The following OTUD7B variants were observed in gnomAD, a reference collection of about 807,000 sequenced individuals.
The protein encoded by OTUD7B is OTU domain-containing protein 7B.
Under a neutral mutation model 82.2 loss-of-function variants are expected in OTUD7B, and 34 were observed. That is an observed-to-expected ratio of 0.41 (90% CI 0.31 to 0.55). The LOEUF (loss-of-function observed/expected upper bound fraction) is 0.55, where lower values mean the gene tolerates loss of function less well. Ranked by LOEUF, OTUD7B falls within the 20% of genes least tolerant of loss-of-function variation. OTUD7B has a pLI of 0.20. For missense variants in OTUD7B, 944 were observed against 1,062.1 expected (o/e 0.89, Z 1.55); for synonymous variants, 398 against 402.7 (o/e 0.99, Z 0.14).
At position 149,982,080 on chromosome 1, in the gene OTUD7B, C is replaced by T. The variant is rs587601713; in HGVS notation, c.-66-4504G>A. Among the ~76,000 whole-genome samples the T allele has an allele frequency of 3.0e-3, 459 of 152,064 alleles. 1 individual carries two copies. Among genetic ancestry groups the T allele is most frequent in the African/African-American group, 0.01 (421 of 41,480 alleles). Reference sequence around the variant, plus strand: ...AGGAGAATGACGTGAACCCGGGAGGCGGAGCTTGCAGTGAGCCGAGATCGC... The same window carrying T: ...AGGAGAATGACGTGAACCCGGGAGGTGGAGCTTGCAGTGAGCCGAGATCGC... On this transcript the variant is annotated intron_variant, in intron 1 of 11. Transcript: ENST00000581312.
intron 1 of OTUD7B, among the ~76,000 whole-genome samples, chr1:149,990,223 A>C (rs587599275): frequency 6.6e-6 from 1 of 152,384 alleles, no homozygotes; most frequent in East Asian, 1.9e-4. Context: ...GGAAGCTTCT[A>C]AACTTTTAGC....
chr1:149,961,725 A>G (rs1381518098), intron 6 of OTUD7B: 2 of 152,208 alleles, frequency 1.3e-5, no homozygotes, highest in African/African-American at 4.8e-5. Flanking sequence ...ATGTATTTAC[A>G]TGTCCATCTC....
chr1:150,041,937 T>C, the OTUD7B span, among the ~76,000 whole-genome samples: 12 of 149,484 alleles, frequency 8.0e-5, no homozygotes, highest in Middle Eastern at 3.5e-3. Flanking sequence ...ACATCTTCTT[T>C]TGAATGCCAC....
At chr1:149,967,012 A>C (rs1397599990) in intron 4 of OTUD7B, among the ~76,000 whole-genome samples, 3 of 151,210 alleles carry the variant, frequency 2.0e-5, no homozygotes, top group African/African-American at 7.4e-5. Context: ...AGGGCCAATT[A>C]TAATTAGTTG....
At position 149,959,701 on chromosome 1, in the gene OTUD7B, A is replaced by C. The variant is rs1291865680; in HGVS notation, c.828T>G (p.Asn276Lys). The C allele has an allele frequency of 6.2e-7, 1 of 1,612,248 alleles. No individual in the cohort carries two copies. Among genetic ancestry groups the C allele is most frequent in the African/African-American group, 1.3e-5 (1 of 74,824 alleles). ...ATACTTACCCACCACAGTTGGCTCCATTGGTACCTAGATGCATTCGGGGTT... is the reference window on the plus strand; with the variant it reads ...ATACTTACCCACCACAGTTGGCTCCCTTGGTACCTAGATGCATTCGGGGTT... ...SSEPRMHLGT[N>K]GANCGGVESS... The change falls in exon 7 of 12, where the codon AAT (asparagine) becomes AAG (lysine). Residue 276 changes from asparagine (N) to lysine (K), a missense_variant. Transcript: ENST00000581312.
chr1:149,946,067 A>AAAATAAT (rs1188831357), intron 11 of OTUD7B, among the ~76,000 whole-genome samples: 3 of 134,346 alleles, frequency 2.2e-5, no homozygotes, highest in South Asian at 4.8e-4. Context: ...TCTCAAAGAA[A>AAAATAAT]AATAATAATA....
upstream of OTUD7B, among the ~76,000 whole-genome samples, chr1:150,011,575 T>C (rs1189298054): frequency 2.0e-5 from 3 of 152,222 alleles, no homozygotes; most frequent in Non-Finnish European, 4.4e-5. Flanking sequence ...CCTTGTCACA[T>C]AGTAGACCTT....
the OTUD7B span, among the ~76,000 whole-genome samples, chr1:150,052,703 T>C: frequency 6.6e-6 from 1 of 151,306 alleles, no homozygotes; most frequent in Non-Finnish European, 1.5e-5. Context: ...AGAGCCCAAA[T>C]AGCAAAGCCA....
At position 149,945,099 on chromosome 1, in the gene OTUD7B, C is replaced by A. The variant is rs970779217; in HGVS notation, c.1324-34G>T. 3 of 1,591,170 alleles carry A rather than the reference C, an allele frequency of 1.9e-6. No homozygotes were observed. In the African/African-American group the frequency reaches 4.0e-5, roughly 21 times the overall value. On this transcript the variant is annotated intron_variant, in intron 11 of 11. Coordinates refer to ENST00000581312, the MANE Select transcript of OTUD7B (RefSeq NM_020205.4). ...GACAAGAACACTGTTGACAGTTATCCCAGCAGCCTGGGGTGGGGGAATCCC... is the reference window on the plus strand; with the variant it reads ...GACAAGAACACTGTTGACAGTTATCACAGCAGCCTGGGGTGGGGGAATCCC...
chr1:149,958,322 CTTTTTTTTT>C (rs34299927), intron 7 of OTUD7B, among the ~76,000 whole-genome samples: 5 of 86,394 alleles, frequency 5.8e-5, no homozygotes, highest in African/African-American at 8.9e-5. Flanking sequence ...AAAGGACTAC[CTTTTTTTTT>C]TTTTTTTTTT....
In OTUD7B at chr1:149,938,091, A is replaced by C. The variant is rs1553769589; in HGVS notation, c.*5766T>G. The C allele has an allele frequency of 1.3e-5, 2 of 152,214 alleles. No individual in the cohort carries two copies. Among genetic ancestry groups the C allele is most frequent in the African/African-American group, 4.8e-5 (2 of 41,370 alleles). 9.4% of individuals were successfully genotyped at this position (152,214 alleles called of 1,614,324 possible). ...GTCCTAAAGGCTACAGAGCACCACC[A>C]CCCCACCTGCCCCTAATGCATTCCA... On this transcript the variant is annotated 3_prime_UTR_variant, in exon 12 of 12. Transcript: ENST00000581312.
At position 149,976,633 on chromosome 1, in the gene OTUD7B, A is replaced by AAAAAAAT. The variant is rs1176193849; in HGVS notation, c.85+792_85+793insATTTTTT. On this transcript the variant is annotated intron_variant, in intron 2 of 11. Transcript: ENST00000581312. Reference sequence around the variant, plus strand: ...TCTACAAAAAAAAAAAAAAAAAAATACTAGAACATTCAAACTTATGTGTAT... The same window carrying AAAAAAAT: ...TCTACAAAAAAAAAAAAAAAAAAATAAAAAAATCTAGAACATTCAAACTTATGTGTAT... Among the ~76,000 whole-genome samples the AAAAAAAT allele has an allele frequency of 2.0e-4, 21 of 102,644 alleles. 3 individuals are homozygous for AAAAAAAT. The highest frequency in any genetic ancestry group is 2.4e-4 in the Non-Finnish European group (13 of 53,156). 67.3% of individuals were successfully genotyped at this position (102,644 alleles called of 152,430 possible). A position where few individuals can be genotyped will look rare whatever the true frequency, so the allele number is the denominator to read the frequency against.
the OTUD7B span, among the ~76,000 whole-genome samples, chr1:150,024,022 A>C: frequency 6.6e-6 from 1 of 152,208 alleles, no homozygotes; most frequent in Admixed American, 6.5e-5. Context: ...TACCTTCCTA[A>C]TTTTGACACA....
chr1:150,048,849 T>C, the OTUD7B span, among the ~76,000 whole-genome samples: 1 of 152,102 alleles, frequency 6.6e-6, no homozygotes, highest in Non-Finnish European at 1.5e-5. Flanking sequence ...AAAAAAAAAT[T>C]TGAGACGGAG....
At chr1:150,007,701 A>C (rs1265380642) in intron 1 of OTUD7B, among the ~76,000 whole-genome samples, 1 of 151,942 alleles carries the variant, frequency 6.6e-6, no homozygotes, top group Non-Finnish European at 1.5e-5. Flanking sequence ...CAAACAAACA[A>C]CTCTCTTCTA....
At chr1:149,964,372 T>G in intron 5 of OTUD7B, 23 bp from the exon 6 acceptor site, 1 of 1,609,496 alleles carries the variant, frequency 6.2e-7, no homozygotes, top group Non-Finnish European at 8.5e-7. Flanking sequence ...AGCATAATGG[T>G]AAGATACCTC....
upstream of OTUD7B, among the ~76,000 whole-genome samples, chr1:150,014,084 G>GTGTGTGTATATATATATA (rs1336267152): frequency 1.6e-4 from 5 of 30,400 alleles, no homozygotes; most frequent in African/African-American, 4.2e-4. Flanking sequence ...GTGTGTGTGT[G>GTGTGTGTATATATATATA]TATATATATA....
chr1:150,016,005 ATGT>A, the OTUD7B span, among the ~76,000 whole-genome samples: 1 of 152,220 alleles, frequency 6.6e-6, no homozygotes, highest in Non-Finnish European at 1.5e-5. Context: ...GGATTTGGAA[ATGT>A]TGTGCTGGTC....
chr1:150,052,471 G>C, the OTUD7B span, among the ~76,000 whole-genome samples: 1 of 152,058 alleles, frequency 6.6e-6, no homozygotes, highest in African/African-American at 2.4e-5. Context: ...GGAGGTGAAA[G>C]ATCTCTACAA....
Sources: gnomAD v4.1 joint callset for allele counts (sites outside exome capture counted in the v4.1 genomes callset) on GRCh38, gnomAD v4.1.1 for gene constraint, MANE v1.5 for transcripts, NCBI Gene and HGNC (gene_info 2026-07-23, HGNC 2026-07-21) for gene names.